The following SORL1-AS1 variants were observed in gnomAD, a reference collection of about 807,000 sequenced individuals.
The protein encoded by SORL1-AS1 is lncRNA 51 A.
At chr11:121,443,870 C>A (rs184225316), downstream of SORL1-AS1, among the ~76,000 whole-genome samples, 9 of 152,324 alleles carry the variant, frequency 5.9e-5, no homozygotes, top group Admixed American at 5.9e-4. Flanking sequence ...GATTCCTCCT[C>A]CAGAGCTGTT....
At position 121,452,235 on chromosome 11, in the gene SORL1-AS1, G is replaced by T; in HGVS notation, n.339+440C>A. On this transcript the variant is annotated intron_variant and non_coding_transcript_variant, in intron 1 of 1. Transcript: ENST00000501964. The surrounding 1 kb of genome is among the most constrained non-coding windows in gnomAD (Gnocchi z 5.3). ...CGGCGCGGGCGGCCTGGAGCCCCGGGAGCGGCGCGCGCGGTCCCGGCCCAG... is the reference window on the plus strand; with the variant it reads ...CGGCGCGGGCGGCCTGGAGCCCCGGTAGCGGCGCGCGCGGTCCCGGCCCAG... 1 of 1,024,336 alleles carries T rather than the reference G, an allele frequency of 9.8e-7. No individual in the cohort carries two copies. Among genetic ancestry groups the T allele is most frequent in the South Asian group, 3.9e-5 (1 of 25,944 alleles). 63.5% of individuals were successfully genotyped at this position (1,024,336 alleles called of 1,614,324 possible).
At chr11:121,439,720 G>A in the SORL1-AS1 span, among the ~76,000 whole-genome samples, 29 of 152,260 alleles carry the variant, frequency 1.9e-4, no homozygotes, top group African/African-American at 6.5e-4. Flanking sequence ...ATTTAAAGAC[G>A]GTGAGTATTA....
At chr11:121,443,169 A>T (rs1860683428), downstream of SORL1-AS1, among the ~76,000 whole-genome samples, 1 of 152,218 alleles carries the variant, frequency 6.6e-6, no homozygotes, top group African/African-American at 2.4e-5. Context: ...CAAGCTACTA[A>T]TGAAAATTCA....
At position 121,452,228 on chromosome 11, in the gene SORL1-AS1, G is replaced by T. The variant is rs1294880951; in HGVS notation, n.339+447C>A. On this transcript the variant is annotated intron_variant and non_coding_transcript_variant, in intron 1 of 1. Transcript: ENST00000501964. This position sits in a 1 kb window ranked among gnomAD's most constrained non-coding sequence, Gnocchi z 5.3. ...CCCGGAGCGGCGCGGGCGGCCTGGA[G>T]CCCCGGGAGCGGCGCGCGCGGTCCC... 1.3e-5 allele frequency: 12 copies of T among 915,718 alleles called. No individual in the cohort carries two copies. The highest frequency in any genetic ancestry group is 4.1e-4 in the Middle Eastern group (1 of 2,450). The allele number at this position is 915,718 out of a possible 1,614,324, so 56.7% of individuals were successfully genotyped here.
downstream of SORL1-AS1, among the ~76,000 whole-genome samples, chr11:121,442,642 T>C (rs1359799556): frequency 3.2e-5 from 2 of 62,254 alleles, no homozygotes; most frequent in African/African-American, 1.3e-4. Context: ...CTCTCTCTCT[T>C]TTATTTATTT....
intron 1 of SORL1-AS1, among the ~76,000 whole-genome samples, chr11:121,451,032 C>T (rs146748920): frequency 1.3e-5 from 2 of 152,184 alleles, no homozygotes; most frequent in East Asian, 1.9e-4. Flanking sequence ...CGTGGCTTGT[C>T]GGAGATGAGG....
rs911037333 is a variant in SORL1-AS1, at chr11:121,452,638, C to A, written n.339+37G>T. The stretch of plus-strand genomic sequence containing the variant: ...ACAGGTGAGCAGTTTTGCAACCCGC[C>A]TCCCTCCAGTTTTTTCCTCTCCCTG... On this transcript the variant is annotated intron_variant and non_coding_transcript_variant, in intron 1 of 1. Coordinates refer to ENST00000501964, the Ensembl canonical transcript of SORL1-AS1. This position sits in a 1 kb window ranked among gnomAD's most constrained non-coding sequence, Gnocchi z 5.3. 14 of 1,437,614 alleles carry A rather than the reference C, an allele frequency of 9.7e-6. No homozygotes were observed. Among genetic ancestry groups the A allele is most frequent in the Middle Eastern group, 1.8e-4 (1 of 5,602 alleles). The allele number at this position is 1,437,614 out of a possible 1,614,324, so 89.1% of individuals were successfully genotyped here. A position where few individuals can be genotyped will look rare whatever the true frequency, so the allele number is the denominator to read the frequency against.
In SORL1-AS1 at chr11:121,452,563, C is replaced by G. The variant is rs772358955; in HGVS notation, n.339+112G>C. 1 of 1,513,848 alleles carries G rather than the reference C, an allele frequency of 6.6e-7. No individual in the cohort carries two copies. The highest frequency in any genetic ancestry group is 8.8e-7 in the Non-Finnish European group (1 of 1,138,368). The allele number at this position is 1,513,848 out of a possible 1,614,324, so 93.8% of individuals were successfully genotyped here. On this transcript the variant is annotated intron_variant and non_coding_transcript_variant, in intron 1 of 1. Coordinates refer to ENST00000501964, the Ensembl canonical transcript of SORL1-AS1. This position sits in a 1 kb window ranked among gnomAD's most constrained non-coding sequence, Gnocchi z 5.3. ...GAGCCGCGCGGACGAGAAGCCGCTC[C>G]GGAGGAAACGGAGCGCTGCCCTGCA...
chr11:121,452,383 C>G lies in SORL1-AS1; in HGVS notation n.339+292G>C. 1 of 1,549,898 alleles carries G rather than the reference C, an allele frequency of 6.5e-7. No individual in the cohort carries two copies. The highest frequency in any genetic ancestry group is 1.9e-5 in the Admixed American group (1 of 52,470). ...GTCGCGACTCCCGTTCCTATTCACCCTGGTCGCACTGCTGCCGCCCGGAGC... is the reference window on the plus strand; with the variant it reads ...GTCGCGACTCCCGTTCCTATTCACCGTGGTCGCACTGCTGCCGCCCGGAGC... On this transcript the variant is annotated intron_variant and non_coding_transcript_variant, in intron 1 of 1. Transcript: ENST00000501964. The surrounding 1 kb of genome is among the most constrained non-coding windows in gnomAD (Gnocchi z 5.3).
chr11:121,444,931 T>C (rs377303545), downstream of SORL1-AS1, among the ~76,000 whole-genome samples: 5 of 152,318 alleles, frequency 3.3e-5, no homozygotes, highest in African/African-American at 1.2e-4. Flanking sequence ...GAAATAACCA[T>C]TGAAAACGAA....
At chr11:121,451,363 C>T (rs953705273) in intron 1 of SORL1-AS1, among the ~76,000 whole-genome samples, 1 of 152,166 alleles carries the variant, frequency 6.6e-6, no homozygotes, top group Admixed American at 6.5e-5. Context: ...AAAGTGTGTC[C>T]TCCCTCCTCT....
Position 121,452,647 on chromosome 11 carries a change from GT to G in SORL1-AS1, n.339+27del, listed in dbSNP as rs1860822689. 7.0e-7 allele frequency: 1 copy of G among 1,423,550 alleles called. No homozygotes were observed. Among genetic ancestry groups the G allele is most frequent in the Non-Finnish European group, 9.2e-7 (1 of 1,091,050 alleles). The allele number at this position is 1,423,550 out of a possible 1,614,324, so 88.2% of individuals were successfully genotyped here. ...CAGTTTTGCAACCCGCCTCCCTCCA[GT>G]TTTTTCCTCTCCCTGCACTTCCTCA... On this transcript the variant is annotated intron_variant and non_coding_transcript_variant, in intron 1 of 1. Coordinates refer to ENST00000501964, the Ensembl canonical transcript of SORL1-AS1. This position sits in a 1 kb window ranked among gnomAD's most constrained non-coding sequence, Gnocchi z 5.3.
chr11:121,451,700 G>A lies in SORL1-AS1; in HGVS notation n.339+975C>T, dbSNP rs117098880. ...TTTTTGCTGTGGCCCCTGCAAATAC[G>A]TTGTGGTGCCCAGAGTAGATGAAAA... On this transcript the variant is annotated intron_variant and non_coding_transcript_variant, in intron 1 of 1. Transcript: ENST00000501964. Among the ~76,000 whole-genome samples, 1,266 of 152,316 alleles carry A rather than the reference G, an allele frequency of 8.3e-3. 9 individuals are homozygous for A. Among genetic ancestry groups the A allele is most frequent in the Non-Finnish European group, 0.013 (879 of 68,028 alleles).
chr11:121,447,971 T>C (rs1860744185), exon 2 of SORL1-AS1: 1 of 152,200 alleles, frequency 6.6e-6, no homozygotes, highest in African/African-American at 2.4e-5. Context: ...GTATCAGATG[T>C]GGCAGAAAAA....
the SORL1-AS1 span, among the ~76,000 whole-genome samples, chr11:121,438,466 A>G: frequency 6.6e-6 from 1 of 152,154 alleles, no homozygotes; most frequent in Non-Finnish European, 1.5e-5. Flanking sequence ...ACATTCTCAC[A>G]GGCAATGACT....
At chr11:121,444,683 GAC>G (rs1165595059), downstream of SORL1-AS1, among the ~76,000 whole-genome samples, 1 of 152,190 alleles carries the variant, frequency 6.6e-6, no homozygotes, top group Admixed American at 6.5e-5. Flanking sequence ...AAGAAATGAG[GAC>G]ACGGTGGGTG....
At chr11:121,447,541 G>A (rs903398375) in exon 2 of SORL1-AS1, 2 of 151,982 alleles carry the variant, frequency 1.3e-5, no homozygotes, top group African/African-American at 4.8e-5. Context: ...TTGAACTCCT[G>A]GGTTCAAACG....
At chr11:121,441,114 C>G in the SORL1-AS1 span, among the ~76,000 whole-genome samples, 3 of 152,162 alleles carry the variant, frequency 2.0e-5, no homozygotes, top group Admixed American at 1.3e-4. Context: ...CCCATTATCT[C>G]CATTACTACT....
At chr11:121,445,731 G>C (rs375313701), downstream of SORL1-AS1, among the ~76,000 whole-genome samples, 2 of 151,756 alleles carry the variant, frequency 1.3e-5, no homozygotes, top group African/African-American at 4.8e-5. Context: ...CAGAGAGTTT[G>C]CCTATCACCC....
Sources: gnomAD v4.1 joint callset for allele counts (sites outside exome capture counted in the v4.1 genomes callset) on GRCh38, gnomAD v4.1.1 for gene constraint, Gnocchi (gnomAD v3.1) non-coding constraint, MANE v1.5 for transcripts, NCBI Gene and HGNC (gene_info 2026-07-23, HGNC 2026-07-21) for gene names.